HYDIN: variants seen among roughly 807,000 people sequenced by gnomAD.
HYDIN encodes HYDIN axonemal central pair apparatus protein.
A neutral mutation model predicts 403.9 loss-of-function variants in HYDIN; 132 were observed. The ratio of observed to expected loss-of-function variants is 0.33; its 90% CI spans 0.28 to 0.38. The LOEUF is 0.38. Among genes scored for constraint, HYDIN ranks in the 10% least tolerant of loss-of-function variants. The pLI is 1.00. For synonymous variants in HYDIN, 1,202 were observed against 1,891.7 expected (o/e 0.64, Z 9.46); for missense variants, 2,827 against 5,009.5 (o/e 0.56, Z 13.15).
At chr16:71,132,861 A>C (rs1347284464) in intron 8 of HYDIN, 2 of 149,694 alleles carry the variant, frequency 1.3e-5, no homozygotes, top group African/African-American at 5.0e-5. Flanking sequence ...GCCTGGCTCC[A>C]ACAAGGGCTT....
intron 20 of HYDIN, among the ~76,000 whole-genome samples, chr16:71,025,918 T>C (rs75074848): frequency 6.6e-6 from 1 of 151,962 alleles, no homozygotes; most frequent in East Asian, 1.9e-4. Flanking sequence ...CTTTTTTTTT[T>C]CAGATGGAGT....
chr16:70,854,507 C>T (rs565509665), intron 73 of HYDIN, among the ~76,000 whole-genome samples: 4 of 151,918 alleles, frequency 2.6e-5, no homozygotes, highest in East Asian at 3.9e-4. Context: ...CTATGCCTCC[C>T]GGGTTCAAGC....
Position 70,884,055 on chromosome 16 carries a change from C to A in HYDIN, c.9844G>T (p.Val3282Phe). Reference protein sequence around the residue: ...FGSIPSGGQQVINVDCVADAM... With the variant: ...FGSIPSGGQQFINVDCVADAM... ...TCAGCCACACAGTCAACGTTGATGA[C>A]CTGCTGTCCTCCGGAAGGAATGGAG... The change falls in exon 59 of 86, where the codon GTC becomes TTC. Residue 3282 changes from valine (V) to phenylalanine (F), a missense_variant. Val to Phe is a conservative substitution (Grantham distance 50). Transcript: ENST00000393567. The A allele has an allele frequency of 6.2e-7, 1 of 1,613,696 alleles. No homozygotes were observed. Among genetic ancestry groups the A allele is most frequent in the Non-Finnish European group, 8.5e-7 (1 of 1,179,876 alleles).
At chr16:70,901,655 G>A (rs1387483698) in intron 52 of HYDIN, among the ~76,000 whole-genome samples, 4 of 143,522 alleles carry the variant, frequency 2.8e-5, no homozygotes, top group South Asian at 2.3e-4. Context: ...GTGTGATCTC[G>A]GCTCACTGCA....
rs1259798161 is a variant in HYDIN at position 70,807,346 on chromosome 16, C to T, written c.*234G>A. ...TATGTCAAGAAACTCAATTTAGGGA[C>T]TCACAAGGATTCAGTTGTCTAAAAT... On this transcript the variant is annotated 3_prime_UTR_variant, in exon 86 of 86. Coordinates refer to ENST00000393567, the MANE Select transcript of HYDIN (RefSeq NM_001270974.2). 3.7e-5 allele frequency: 18 copies of T among 480,936 alleles called. No homozygotes were observed. Among genetic ancestry groups the T allele is most frequent in the Admixed American group, 1.2e-4 (3 of 25,502 alleles). The allele number at this position is 480,936 out of a possible 1,614,324, so 29.8% of individuals were successfully genotyped here. A position where few individuals can be genotyped will look rare whatever the true frequency, so the allele number is the denominator to read the frequency against.
intron 1 of HYDIN, among the ~76,000 whole-genome samples, chr16:71,221,486 T>C (rs1769949159): frequency 6.6e-6 from 1 of 152,056 alleles, no homozygotes; most frequent in African/African-American, 2.4e-5. Context: ...ATTTTAGTCA[T>C]CAAACACTTC....
chr16:70,819,355 CTGT>C (rs2036072997), intron 83 of HYDIN, among the ~76,000 whole-genome samples: 1 of 152,124 alleles, frequency 6.6e-6, no homozygotes, highest in East Asian at 1.9e-4. Context: ...TTCGTAGGCA[CTGT>C]TATTATGCCA....
intron 18 of HYDIN, among the ~76,000 whole-genome samples, chr16:71,044,085 G>T (rs1597627506): frequency 1.3e-5 from 2 of 151,044 alleles, no homozygotes; most frequent in East Asian, 3.9e-4. Context: ...AGACATTTTA[G>T]ATGCCCAACT....
intron 32 of HYDIN, 111 bp downstream of exon 32, chr16:70,974,423 C>A: frequency 2.7e-6 from 4 of 1,479,000 alleles, no homozygotes; most frequent in Non-Finnish European, 3.6e-6. Context: ...GCCCAAGAAT[C>A]CTTTTAGCTG....
Position 70,974,203 on chromosome 16 carries a change from A to G in HYDIN, c.5007T>C (p.Val1669=). The G allele has an allele frequency of 6.4e-7, 1 of 1,564,452 alleles. No individual in the cohort carries two copies. Among genetic ancestry groups the G allele is most frequent in the African/African-American group, 1.4e-5 (1 of 73,226 alleles). ...TGGGCAGAATGACTTCTTTGCTTCC[A>G]ACAGGAAGATTGGCCCCCTGTGGGT... ...RFDPQGANLP[V]GSKEVILPIK... The change falls in exon 33 of 86, where the codon GTT becomes GTC. Residue 1669 remains valine (V), a synonymous_variant. Coordinates refer to ENST00000393567, the MANE Select transcript of HYDIN (RefSeq NM_001270974.2).
chr16:71,169,765 T>C (rs1040150979), intron 5 of HYDIN, among the ~76,000 whole-genome samples: 1 of 152,152 alleles, frequency 6.6e-6, no homozygotes, highest in Non-Finnish European at 1.5e-5. Context: ...TAACCATGTA[T>C]TGTAAAATTG....
chr16:70,962,135 T>A lies in HYDIN; in HGVS notation c.5792A>T (p.Glu1931Val). 1 of 746,764 alleles carries A rather than the reference T, an allele frequency of 1.3e-6. No individual in the cohort carries two copies. The highest frequency in any genetic ancestry group is 2.1e-6 in the Non-Finnish European group (1 of 475,130). The allele number at this position is 746,764 out of a possible 1,614,324, so 46.3% of individuals were successfully genotyped here. A position where few individuals can be genotyped will look rare whatever the true frequency, so the allele number is the denominator to read the frequency against. Residue 1931 changes from glutamate (E) to valine (V), a missense_variant, in exon 38 of 86, where the codon GAG becomes GTG. By Grantham distance (121) the Glu-to-Val change is moderately radical. Transcript: ENST00000393567. Reference sequence around the variant, plus strand: ...CTGATCTGATGAGGTTATATCTTCCTCTTCTGCCAGGTAGCAAAGGATGAA... The same window carrying A: ...CTGATCTGATGAGGTTATATCTTCCACTTCTGCCAGGTAGCAAAGGATGAA... ...YLENLAQENE[E>V]EDITSSDQGT...
intron 9 of HYDIN, 113 bp downstream of exon 9, chr16:71,129,527 T>C: frequency 1.0e-6 from 1 of 972,244 alleles, no homozygotes; most frequent in Non-Finnish European, 1.5e-6. Flanking sequence ...TCAGGTGGAC[T>C]CTTCACTCTC....
At chr16:70,953,348 G>A (rs551356388) in intron 40 of HYDIN, among the ~76,000 whole-genome samples, 130 of 152,316 alleles carry the variant, frequency 8.5e-4, no homozygotes, top group Middle Eastern at 3.4e-3. Flanking sequence ...CATGGGGTCG[G>A]GGCAGACAAT....
rs745698529 is a variant in HYDIN, at chr16:70,879,432, G to A, written c.10422C>T (p.Leu3474=). ...LVFDIAGEGN[L]PRVTVVRPVL... is the part of the protein sequence containing the mutation. ...CTGGCCGCACAACCGTCACTCGAGG[G>A]AGGTTCCCCTCACCAGCGATGTCAA... Residue 3474 remains leucine (L), a synonymous_variant, in exon 62 of 86, where the codon CTC becomes CTT. Coordinates refer to ENST00000393567, the MANE Select transcript of HYDIN (RefSeq NM_001270974.2). The A allele has an allele frequency of 3.7e-6, 6 of 1,612,304 alleles. No homozygotes were observed. In the South Asian group the frequency reaches 6.6e-5, roughly 18 times the overall value.
intron 37 of HYDIN, among the ~76,000 whole-genome samples, chr16:70,962,898 C>T (rs1647828124): frequency 6.7e-6 from 1 of 148,178 alleles, no homozygotes; most frequent in Non-Finnish European, 1.5e-5. Context: ...AGCGAGTAGA[C>T]AAAGCTCATC....
At chr16:71,168,510 T>C (rs2086336550) in intron 5 of HYDIN, among the ~76,000 whole-genome samples, 1 of 149,992 alleles carries the variant, frequency 6.7e-6, no homozygotes, top group African/African-American at 2.5e-5. Context: ...CAGTTTACAC[T>C]AGGCAGAAGT....
rs1453799686 is a variant in HYDIN at position 70,991,803 on chromosome 16, C to A, written c.3785+267G>T. Among the ~76,000 whole-genome samples, 3 of 151,846 alleles carry A rather than the reference C, an allele frequency of 2.0e-5. No homozygotes were observed. The East Asian group carries it at 5.8e-4, about 29-fold the overall frequency. Reference sequence around the variant, plus strand: ...TGGTGAATTGATATATCCTTTCCTGCTTGCTACCCTGGACCCAATCCTGAC... The same window carrying A: ...TGGTGAATTGATATATCCTTTCCTGATTGCTACCCTGGACCCAATCCTGAC... On this transcript the variant is annotated intron_variant, in intron 24 of 85. Coordinates refer to ENST00000393567, the MANE Select transcript of HYDIN (RefSeq NM_001270974.2).
Position 71,175,495 on chromosome 16 carries a change from T to TACC in HYDIN, c.516+109_516+111dup, listed in dbSNP as rs77913596. 2,855 of 1,001,532 alleles carry TACC rather than the reference T, an allele frequency of 2.9e-3. 35 individuals carry two copies. The African/African-American group carries it at 0.032, about 11-fold the overall frequency. The allele number at this position is 1,001,532 out of a possible 1,614,324, so 62.0% of individuals were successfully genotyped here. On this transcript the variant is annotated intron_variant, in intron 5 of 85. Coordinates refer to ENST00000393567, the MANE Select transcript of HYDIN (RefSeq NM_001270974.2). ...ATGTCAATACCAAGACCACCATCAA[T>TACC]ACCACCACCACCACCACCACCACCA...
Sources: allele counts gnomAD v4.1 joint callset (sites outside exome capture counted in the v4.1 genomes callset), GRCh38; gene constraint gnomAD v4.1.1; transcripts MANE v1.5; gene names NCBI Gene and HGNC (gene_info 2026-07-23, HGNC 2026-07-21).